The following MLLT10 variants were observed in gnomAD, a reference collection of about 807,000 sequenced individuals.
MLLT10 encodes the protein MLLT10 histone lysine methyltransferase DOT1L cofactor, also known as protein AF-10.
Under a neutral mutation model 129.1 loss-of-function variants are expected in MLLT10, and 30 were observed. The observed-to-expected ratio is 0.23, with a 90% CI of 0.17 to 0.32. MLLT10 has a LOEUF of 0.32. MLLT10 is among the 10% of genes least tolerant of loss of function. The probability of loss-of-function intolerance (pLI) is 1.00; values close to 1 mark genes in which losing one functional copy is unlikely to be tolerated. For synonymous variants in MLLT10, 490 were observed against 446.4 expected (o/e 1.10, Z -1.23); for missense variants, 1,119 against 1,268.3 (o/e 0.88, Z 1.79).
intron 21 of MLLT10, among the ~76,000 whole-genome samples, chr10:21,739,624 A>G (rs2058668641): frequency 6.6e-6 from 1 of 152,206 alleles, no homozygotes; most frequent in South Asian, 2.1e-4. Context: ...CATGGAGTAT[A>G]TGCTTGCTGT....
At chr10:21,604,906 T>G (rs1589190037) in intron 5 of MLLT10, among the ~76,000 whole-genome samples, 2 of 152,040 alleles carry the variant, frequency 1.3e-5, no homozygotes, top group African/African-American at 4.8e-5. Context: ...TTTTTTGTTT[T>G]TTTTATTTCT....
intron 8 of MLLT10, among the ~76,000 whole-genome samples, chr10:21,629,038 C>G (rs895188313): frequency 6.6e-6 from 1 of 151,894 alleles, no homozygotes; most frequent in Admixed American, 6.6e-5. Context: ...GCTGCCACAC[C>G]CAGCCGCTGG....
chr10:21,736,232 G>A (rs557010555), intron 21 of MLLT10, among the ~76,000 whole-genome samples: 1 of 152,272 alleles, frequency 6.6e-6, no homozygotes, highest in South Asian at 2.1e-4. Flanking sequence ...GGCAGGAGAC[G>A]TAGGTGTTAA....
At chr10:21,650,945 T>C (rs1344896080) in intron 8 of MLLT10, among the ~76,000 whole-genome samples, 3 of 152,172 alleles carry the variant, frequency 2.0e-5, no homozygotes, top group Non-Finnish European at 4.4e-5. Flanking sequence ...TTCTCATGCA[T>C]GGTAGAGGAA....
At chr10:21,549,798 C>T (rs2036690772) in intron 3 of MLLT10, among the ~76,000 whole-genome samples, 1 of 151,952 alleles carries the variant, frequency 6.6e-6, no homozygotes, top group Admixed American at 6.6e-5. Flanking sequence ...GCCACTATGC[C>T]TGGCTAATTT....
intron 8 of MLLT10, among the ~76,000 whole-genome samples, chr10:21,622,923 C>T (rs2046041614): frequency 6.6e-6 from 1 of 152,192 alleles, no homozygotes; most frequent in South Asian, 2.1e-4. Flanking sequence ...TTCCACACAA[C>T]CTTCTCCTTA....
intron 8 of MLLT10, among the ~76,000 whole-genome samples, chr10:21,621,736 G>T (rs1184749825): frequency 6.6e-6 from 1 of 152,092 alleles, no homozygotes; most frequent in Non-Finnish European, 1.5e-5. Flanking sequence ...GAGAGACGAG[G>T]GGCCCGTGGG....
At chr10:21,683,140 G>C (rs2052918131) in intron 13 of MLLT10, among the ~76,000 whole-genome samples, 1 of 152,088 alleles carries the variant, frequency 6.6e-6, no homozygotes, top group African/African-American at 2.4e-5. Context: ...TTACAGTATC[G>C]ACAGCCAACA....
intron 3 of MLLT10, among the ~76,000 whole-genome samples, chr10:21,566,115 A>G (rs61850043): frequency 1.3e-5 from 2 of 151,214 alleles, no homozygotes; most frequent in African/African-American, 4.9e-5. Flanking sequence ...ACGCCTGGCT[A>G]AATTTTTTTT....
chr10:21,534,483 C>T lies in MLLT10; in HGVS notation c.-38C>T. 1.5e-6 allele frequency: 1 copy of T among 676,684 alleles called. No homozygotes were observed. Among genetic ancestry groups the T allele is most frequent in the Non-Finnish European group, 2.4e-6 (1 of 415,180 alleles). The allele number at this position is 676,684 out of a possible 1,614,324, so 41.9% of individuals were successfully genotyped here. A position where few individuals can be genotyped will look rare whatever the true frequency, so the allele number is the denominator to read the frequency against. ...ATCAGCAAGGACATGGCTCCTGACT[C>T]CTGTGCGGAACGTGAGTGACTGAGC... On this transcript the variant is annotated 5_prime_UTR_variant, in exon 1 of 23. Coordinates refer to ENST00000307729, the MANE Select transcript of MLLT10 (RefSeq NM_001195626.3).
intron 8 of MLLT10, among the ~76,000 whole-genome samples, chr10:21,637,669 G>A (rs1045725384): frequency 7.2e-5 from 11 of 152,142 alleles, no homozygotes; most frequent in African/African-American, 2.7e-4. Context: ...GGGAGTTTAG[G>A]TCACCCCTCT....
intron 13 of MLLT10, among the ~76,000 whole-genome samples, chr10:21,694,749 G>T (rs746284670): frequency 1.3e-5 from 2 of 152,180 alleles, no homozygotes; most frequent in Non-Finnish European, 2.9e-5. Flanking sequence ...AAAGTTAGCA[G>T]CTTAAAACCA....
At chr10:21,629,807 C>G (rs1261999970) in intron 8 of MLLT10, among the ~76,000 whole-genome samples, 1 of 152,118 alleles carries the variant, frequency 6.6e-6, no homozygotes, top group African/African-American at 2.4e-5. Flanking sequence ...GTACTTAACT[C>G]TTAAGAATCT....
At chr10:21,672,315 A>C (rs2051520807) in intron 10 of MLLT10, among the ~76,000 whole-genome samples, 1 of 151,886 alleles carries the variant, frequency 6.6e-6, no homozygotes, top group Non-Finnish European at 1.5e-5. Flanking sequence ...TTCCTGCTTC[A>C]GACCCTCAAT....
chr10:21,664,534 A>T (rs937042205), intron 9 of MLLT10, among the ~76,000 whole-genome samples: 2 of 151,180 alleles, frequency 1.3e-5, no homozygotes, highest in African/African-American at 4.8e-5. Context: ...TGACCTCGTG[A>T]CCTGCCCCCT....
intron 22 of MLLT10, among the ~76,000 whole-genome samples, chr10:21,740,628 G>GATGA (rs1308455618): frequency 1.3e-5 from 2 of 152,150 alleles, no homozygotes; most frequent in African/African-American, 4.8e-5. Context: ...TTATTACCAA[G>GATGA]ATGAATATAT....
intron 3 of MLLT10, among the ~76,000 whole-genome samples, chr10:21,548,817 G>T (rs1456523144): frequency 6.6e-6 from 1 of 151,786 alleles, no homozygotes; most frequent in Non-Finnish European, 1.5e-5. Context: ...TTTTTTCAGG[G>T]TATCTTGCTT....
Position 21,653,020 on chromosome 10 carries a change from C to G in MLLT10, c.795+1252C>G, listed in dbSNP as rs555089783. Among the ~76,000 whole-genome samples, 3 of 152,268 alleles carry G rather than the reference C, an allele frequency of 2.0e-5. No individual in the cohort carries two copies. The East Asian group carries it at 5.8e-4, about 29-fold the overall frequency. ...TCACTGTTAACAAAGAGGGGAAAGACTGTGGGCATAGCAGGTTGAGGGGAA... is the reference window on the plus strand; with the variant it reads ...TCACTGTTAACAAAGAGGGGAAAGAGTGTGGGCATAGCAGGTTGAGGGGAA... On this transcript the variant is annotated intron_variant, in intron 9 of 22. Transcript: ENST00000307729.
intron 3 of MLLT10, among the ~76,000 whole-genome samples, chr10:21,544,794 C>T (rs887028786): frequency 6.6e-6 from 1 of 152,140 alleles, no homozygotes; most frequent in Non-Finnish European, 1.5e-5. Flanking sequence ...GGAAGGAGAG[C>T]AAGTGAAGAC....
Sources: allele counts gnomAD v4.1 joint callset (sites outside exome capture counted in the v4.1 genomes callset), GRCh38; gene constraint gnomAD v4.1.1; transcripts MANE v1.5; gene names NCBI Gene and HGNC (gene_info 2026-07-23, HGNC 2026-07-21).